The following CDH12 variants were observed in gnomAD, a reference collection of about 807,000 sequenced individuals.
CDH12 encodes the protein cadherin 12.
A neutral mutation model predicts 74.1 loss-of-function variants in CDH12; 41 were observed. That is an observed-to-expected ratio of 0.55 (90% CI 0.43 to 0.72). CDH12 has a LOEUF of 0.72. Among genes scored for constraint, CDH12 ranks in the 30% least tolerant of loss-of-function variants. The pLI, the probability that CDH12 is intolerant of heterozygous loss-of-function variation, is 0.00. For synonymous variants in CDH12, 399 were observed against 355.0 expected (o/e 1.12, Z -1.39); for missense variants, 945 against 977.2 (o/e 0.97, Z 0.44).
intron 1 of CDH12, among the ~76,000 whole-genome samples, chr5:22,710,287 A>C (rs750355251): frequency 3.9e-5 from 6 of 152,210 alleles, no homozygotes; most frequent in Non-Finnish European, 7.4e-5. Flanking sequence ...CTAAATATAC[A>C]GTTAGGAGAA....
intron 1 of CDH12, among the ~76,000 whole-genome samples, chr5:22,654,444 C>A: frequency 6.6e-6 from 1 of 151,732 alleles, no homozygotes; most frequent in East Asian, 2.0e-4. Flanking sequence ...CACCTGCCTC[C>A]ACCGCCGGCT....
At chr5:22,577,438 C>T (rs1561503040) in intron 1 of CDH12, among the ~76,000 whole-genome samples, 1 of 152,044 alleles carries the variant, frequency 6.6e-6, no homozygotes, top group Non-Finnish European at 1.5e-5. Flanking sequence ...TGGTGGACAG[C>T]CTGGAAGGCA....
chr5:22,250,746 CAT>C (rs1389669832), intron 3 of CDH12, among the ~76,000 whole-genome samples: 1 of 152,172 alleles, frequency 6.6e-6, no homozygotes, highest in Non-Finnish European at 1.5e-5. Flanking sequence ...CGTGATCAGA[CAT>C]GTGTCTTAGA....
intron 3 of CDH12, among the ~76,000 whole-genome samples, chr5:22,293,911 A>G (rs1341477897): frequency 6.6e-6 from 1 of 152,158 alleles, no homozygotes; most frequent in African/African-American, 2.4e-5. Context: ...AGCTCAAGAG[A>G]TCTGAGTAGA....
intron 5 of CDH12, among the ~76,000 whole-genome samples, chr5:22,072,449 T>C (rs1742006222): frequency 6.6e-6 from 1 of 152,052 alleles, no homozygotes; most frequent in Non-Finnish European, 1.5e-5. Context: ...TACTTCCTCA[T>C]TTGTGATGAT....
At chr5:22,289,823 C>G (rs77478176) in intron 3 of CDH12, among the ~76,000 whole-genome samples, 6,096 of 152,162 alleles carry the variant, frequency 0.04, 430 homozygotes, top group African/African-American at 0.14. Flanking sequence ...CATTATCATG[C>G]CCCATATTCT....
chr5:22,222,141 G>A (rs968737003), intron 3 of CDH12, among the ~76,000 whole-genome samples: 1 of 151,872 alleles, frequency 6.6e-6, no homozygotes, highest in South Asian at 2.1e-4. Flanking sequence ...CAAAGTATTG[G>A]CTTTCTATAA....
chr5:22,003,189 C>T (rs1346736725), intron 5 of CDH12, among the ~76,000 whole-genome samples: 3 of 152,066 alleles, frequency 2.0e-5, no homozygotes, highest in Admixed American at 1.3e-4. Flanking sequence ...CAGTATGATG[C>T]ATGTATATTA....
chr5:22,759,268 GC>G (rs2127052056), intron 1 of CDH12, among the ~76,000 whole-genome samples: 1 of 151,792 alleles, frequency 6.6e-6, no homozygotes, highest in African/African-American at 2.4e-5. Context: ...TTCTTCCAAA[GC>G]CTTGTTTTAT....
chr5:22,487,740 G>T (rs1193039181), intron 2 of CDH12, among the ~76,000 whole-genome samples: 4 of 152,060 alleles, frequency 2.6e-5, no homozygotes, highest in African/African-American at 9.7e-5. Context: ...TTACCTCAGG[G>T]CTAGCAAAAC....
chr5:22,806,578 T>TCTCCTGAC (rs1748824287), intron 1 of CDH12, among the ~76,000 whole-genome samples: 1 of 151,934 alleles, frequency 6.6e-6, no homozygotes, highest in African/African-American at 2.4e-5. Flanking sequence ...ATGGTCTCGA[T>TCTCCTGAC]CTCCTGACCT....
At chr5:21,867,286 C>T (rs1396099249) in intron 6 of CDH12, among the ~76,000 whole-genome samples, 3 of 151,910 alleles carry the variant, frequency 2.0e-5, no homozygotes, top group Non-Finnish European at 4.4e-5. Context: ...ACCCAGGAGG[C>T]GGAGGTTGCA....
chr5:22,329,419 C>A (rs1739255294), intron 3 of CDH12, among the ~76,000 whole-genome samples: 1 of 152,152 alleles, frequency 6.6e-6, no homozygotes, highest in Admixed American at 6.5e-5. Context: ...CTGTTTGTTT[C>A]TAACCACTAG....
At chr5:21,904,585 AT>A in intron 6 of CDH12, among the ~76,000 whole-genome samples, 1 of 152,102 alleles carries the variant, frequency 6.6e-6, no homozygotes, top group South Asian at 2.1e-4. Flanking sequence ...CCCGAGTAAC[AT>A]AGAGAGTCCC....
At chr5:22,395,993 T>C (rs1427512935) in intron 3 of CDH12, among the ~76,000 whole-genome samples, 1 of 152,096 alleles carries the variant, frequency 6.6e-6, no homozygotes, top group African/African-American at 2.4e-5. Context: ...TTCTTCCTCT[T>C]TTGTCCTCCA....
intron 3 of CDH12, among the ~76,000 whole-genome samples, chr5:22,314,556 T>C (rs1247683703): frequency 6.6e-6 from 1 of 152,178 alleles, no homozygotes; most frequent in Non-Finnish European, 1.5e-5. Context: ...ATTTCTGTTA[T>C]TGAAGTCACT....
intron 4 of CDH12, among the ~76,000 whole-genome samples, chr5:22,126,722 C>T (rs1745891777): frequency 6.6e-6 from 1 of 152,156 alleles, no homozygotes; most frequent in Non-Finnish European, 1.5e-5. Flanking sequence ...CAGAGTCTCT[C>T]ATCTATTCAG....
At chr5:22,590,811 A>G (rs1235975644) in intron 1 of CDH12, among the ~76,000 whole-genome samples, 1 of 152,154 alleles carries the variant, frequency 6.6e-6, no homozygotes, top group East Asian at 1.9e-4. Context: ...GTTCTATTGC[A>G]CAGGCTGTAT....
At chr5:22,806,567 G>T (rs779947677) in intron 1 of CDH12, among the ~76,000 whole-genome samples, 54 of 152,076 alleles carry the variant, frequency 3.6e-4, no homozygotes, top group Non-Finnish European at 6.3e-4. Flanking sequence ...TGTTAGCCAG[G>T]ATGGTCTCGA....
Sources: allele counts gnomAD v4.1 joint callset (sites outside exome capture counted in the v4.1 genomes callset), GRCh38; gene constraint gnomAD v4.1.1; transcripts MANE v1.5; gene names NCBI Gene and HGNC (gene_info 2026-07-23, HGNC 2026-07-21).